The following VWF variants were observed in gnomAD, a reference collection of about 807,000 sequenced individuals.
The protein encoded by VWF is von Willebrand factor, also known as Factor VIII related antigen.
A neutral mutation model predicts 308.6 loss-of-function variants in VWF; 176 were observed. The observed-to-expected ratio is 0.57, with a 90% confidence interval of 0.50 to 0.65. The LOEUF is 0.65. Ranked by LOEUF, VWF falls within the 30% of genes least tolerant of loss-of-function variation. The probability of loss-of-function intolerance (pLI) is 0.00; values close to 1 mark genes in which losing one functional copy is unlikely to be tolerated. For synonymous variants in VWF, 1,385 were observed against 1,443.4 expected, an observed-to-expected ratio of 0.96 and a Z score of 0.92; for missense variants, 3,146 against 3,648.2, an observed-to-expected ratio of 0.86 and a Z score of 3.55.
chr12:6,071,175 A>G (rs1944775793), intron 10 of VWF, 122 bp downstream of exon 10: 1 of 1,181,836 alleles, frequency 8.5e-7, no homozygotes, highest in South Asian at 1.3e-5. Context: ...GTTGCAGCCA[A>G]CCTGTGCAGA....
chr12:6,105,445 C>T lies in VWF; in HGVS notation c.532+4929G>A. Among the ~76,000 whole-genome samples, 2 of 152,086 alleles carry T rather than the reference C, an allele frequency of 1.3e-5. 1 individual carries two copies. The highest frequency in any genetic ancestry group is 3.9e-4 in the East Asian group (2 of 5,176). ...GGTTTCACATGTTGGCCAGGCTGGT[C>T]TTGAACTTCTGACCTCAAATGATCC... On this transcript the variant is annotated intron_variant, in intron 5 of 51. Coordinates refer to ENST00000261405, the MANE Select transcript of VWF (RefSeq NM_000552.5).
intron 35 of VWF, 124 bp from the exon 36 acceptor site, chr12:5,994,731 A>G (rs1417008950): frequency 2.4e-6 from 2 of 839,602 alleles, no homozygotes; most frequent in Admixed American, 2.0e-5. Context: ...ACAAACCTTG[A>G]TATTTGTCGG....
At chr12:6,068,324 T>C (rs1042305318) in intron 10 of VWF, among the ~76,000 whole-genome samples, 1 of 151,952 alleles carries the variant, frequency 6.6e-6, no homozygotes, top group African/African-American at 2.4e-5. Context: ...ACCATTTGTT[T>C]CCCCAGCCCC....
rs567314189 is a variant in VWF at position 6,075,657 on chromosome 12, C to G, written c.658-106G>C. 4.0e-4 allele frequency: 489 copies of G among 1,211,210 alleles called. 6 individuals are homozygous for G. The South Asian group carries it at 6.0e-3, about 15-fold the overall frequency. 75.0% of individuals were successfully genotyped at this position (1,211,210 alleles called of 1,614,324 possible). On this transcript the variant is annotated intron_variant, in intron 6 of 51. Transcript: ENST00000261405. This position sits in a 1 kb window ranked among gnomAD's most constrained non-coding sequence, Gnocchi z 4.7. ...GAAACCAAGGCAGCTCCCTCAGCAC[C>G]TGGGACAGGCTGGCACCAAGCACAT...
At chr12:6,028,365 A>T (rs1016623247) in intron 22 of VWF, among the ~76,000 whole-genome samples, 4 of 152,194 alleles carry the variant, frequency 2.6e-5, no homozygotes, top group African/African-American at 2.4e-5. Context: ...TAAGAAACCT[A>T]AAGAAAAGTT....
intron 35 of VWF, among the ~76,000 whole-genome samples, chr12:5,994,984 C>A (rs1943793366): frequency 6.6e-6 from 1 of 152,120 alleles, no homozygotes; most frequent in Non-Finnish European, 1.5e-5. Flanking sequence ...GAGCATCTAG[C>A]AGCTGTGTCC....
At position 6,019,251 on chromosome 12, in the gene VWF, C is replaced by A; in HGVS notation, c.4167G>T (p.Glu1389Asp). The A allele has an allele frequency of 6.2e-7, 1 of 1,613,910 alleles. No homozygotes were observed. The highest frequency in any genetic ancestry group is 8.5e-7 in the Non-Finnish European group (1 of 1,179,864). The change falls in exon 28 of 52, where the codon GAG (glutamate) becomes GAT (aspartate). Residue 1389 changes from glutamate (E) to aspartate (D), a missense_variant. Physicochemically the swap from Glu to Asp is conservative, Grantham distance 45. Around this residue, in one of 3 missense-constraint regions of VWF, gnomAD observed 853 missense variants for 1,177.8 expected, o/e 0.72. Transcript: ENST00000261405. The surrounding 1 kb of genome is among the most constrained non-coding windows in gnomAD (Gnocchi z 5.8). ...RITLLLMASQ[E>D]PQRMSRNFVR... The stretch of plus-strand genomic sequence containing the variant: ...CAAAGTTCCGGGACATCCGTTGGGG[C>A]TCCTGGCTGGCCATCAGGAGCAGGG...
At chr12:6,012,232 A>C in intron 32 of VWF, 102 bp from the exon 33 acceptor site, 1 of 1,236,400 alleles carries the variant, frequency 8.1e-7, no homozygotes, top group Non-Finnish European at 1.2e-6. Context: ...TTTTGAAGTC[A>C]ACTCAACTCT....
At chr12:6,016,399 C>T (rs534734916) in intron 30 of VWF, 117 bp downstream of exon 30, 1 of 1,416,196 alleles carries the variant, frequency 7.1e-7, no homozygotes, top group South Asian at 1.2e-5. Context: ...CCTCACTTTC[C>T]AGGAGAAGAA....
chr12:6,047,660 C>T (rs1428592202), intron 16 of VWF, among the ~76,000 whole-genome samples: 1 of 152,240 alleles, frequency 6.6e-6, no homozygotes, highest in Non-Finnish European at 1.5e-5. Flanking sequence ...TATAAAACGT[C>T]TGTGGTTGCT....
intron 15 of VWF, among the ~76,000 whole-genome samples, chr12:6,054,322 G>A (rs1944552782): frequency 1.3e-5 from 2 of 152,182 alleles, no homozygotes; most frequent in South Asian, 2.1e-4. Flanking sequence ...ATTATTGGAT[G>A]AATACTGAGG....
At chr12:6,016,277 C>G in intron 30 of VWF, 45 bp from the exon 31 acceptor site, 1 of 1,613,990 alleles carries the variant, frequency 6.2e-7, no homozygotes, top group Middle Eastern at 1.7e-4. Flanking sequence ...CTGACTGCGG[C>G]TCGACACCCT....
Position 6,046,883 on chromosome 12 carries a change from C to T in VWF, c.2187-66G>A. ...TCTATACTCGCTGCCTCCACATCTT[C>T]ACCTCCCACTCACTCTCTGCCCCTT... On this transcript the variant is annotated intron_variant, in intron 16 of 51. Transcript: ENST00000261405. The surrounding 1 kb of genome is among the most constrained non-coding windows in gnomAD (Gnocchi z 5.0). 1 of 1,425,692 alleles carries T rather than the reference C, an allele frequency of 7.0e-7. No individual in the cohort carries two copies. The allele number at this position is 1,425,692 out of a possible 1,614,324, so 88.3% of individuals were successfully genotyped here.
chr12:6,096,107 AGATGGATGGATGGATGGATG>A (rs58581042), intron 5 of VWF: 4 of 156,082 alleles, frequency 2.6e-5, no homozygotes, highest in Non-Finnish European at 2.7e-5. Flanking sequence ...ATGGATGGAT[AGATGGATGGATGGATGGATG>A]GATGGATGGA....
chr12:6,094,157 C>G (rs953026752), intron 6 of VWF, among the ~76,000 whole-genome samples: 2 of 152,244 alleles, frequency 1.3e-5, no homozygotes, highest in Non-Finnish European at 2.9e-5. Context: ...ACACCTTGAT[C>G]TCAGCCCAGG....
Position 6,063,064 on chromosome 12 carries a change from A to G in VWF, c.1433-10T>C, listed in dbSNP as rs66722092. 3.5e-3 allele frequency: 5,634 copies of G among 1,612,140 alleles called. 156 individuals carry two copies. The African/African-American group carries it at 0.062, about 18-fold the overall frequency. On this transcript the variant is annotated splice_polypyrimidine_tract_variant and intron_variant, in intron 12 of 51. Coordinates refer to ENST00000261405, the MANE Select transcript of VWF (RefSeq NM_000552.5). This position sits in a 1 kb window ranked among gnomAD's most constrained non-coding sequence, Gnocchi z 4.9. Reference sequence around the variant, plus strand: ...TGGATGCGGAGGTCACCTGGAACCCAGCAGGACAGGACTCAGGCAGAGGTG... The same window carrying G: ...TGGATGCGGAGGTCACCTGGAACCCGGCAGGACAGGACTCAGGCAGAGGTG...
chr12:6,123,934 A>C (rs543893599), intron 1 of VWF, among the ~76,000 whole-genome samples: 1 of 152,206 alleles, frequency 6.6e-6, no homozygotes, highest in African/African-American at 2.4e-5. Context: ...CTCCTCGGGA[A>C]AAGTTGTTAA....
chr12:6,013,698 G>A (rs1226658006), intron 31 of VWF, 53 bp from the exon 32 acceptor site: 19 of 1,602,648 alleles, frequency 1.2e-5, no homozygotes, highest in Admixed American at 1.7e-5. Context: ...GGCTCAAAAT[G>A]GACTGGCCTG....
chr12:6,056,803 C>T (rs1004073389), intron 15 of VWF, 54 bp downstream of exon 15: 17 of 1,313,152 alleles, frequency 1.3e-5, no homozygotes, highest in Non-Finnish European at 1.6e-5. Context: ...GAAAAGCACA[C>T]GTGGACGGAT....
Sources: gnomAD v4.1 joint callset for allele counts (sites outside exome capture counted in the v4.1 genomes callset) on GRCh38, gnomAD v4.1.1 for gene constraint, gnomAD v4.1.1 regional missense constraint, Gnocchi (gnomAD v3.1) non-coding constraint, MANE v1.5 for transcripts, NCBI Gene and HGNC (gene_info 2026-07-23, HGNC 2026-07-21) for gene names.